Variants in JAK1 observed in about 807,000 individuals in gnomAD.
JAK1 encodes Janus kinase 1.
JAK1 carries 16 observed loss-of-function variants against 136.6 expected under a neutral mutation model. The ratio of observed to expected loss-of-function variants is 0.12; its 90% CI spans 0.08 to 0.18. JAK1 has a LOEUF of 0.18. Among genes scored for constraint, JAK1 ranks in the 10% least tolerant of loss-of-function variants. The pLI is 1.00. For synonymous variants in JAK1, 492 were observed against 519.5 expected, an observed-to-expected ratio of 0.95 and a Z score of 0.72; for missense variants, 859 against 1,450.1, an observed-to-expected ratio of 0.59 and a Z score of 6.62.
In JAK1 at chr1:64,834,551, A is replaced by T; in HGVS notation, c.*11T>A. 1 of 1,535,248 alleles carries T rather than the reference A, an allele frequency of 6.5e-7. No homozygotes were observed. The highest frequency in any genetic ancestry group is 9.0e-7 in the Non-Finnish European group (1 of 1,110,208). On this transcript the variant is annotated 3_prime_UTR_variant, in exon 25 of 25. Coordinates refer to ENST00000342505, the MANE Select transcript of JAK1 (RefSeq NM_002227.4). ...TGATAATCTGTGGAATTTAAATGTT[A>T]TTCATGCTTCTTATTTTAAAAGTGC...
chr1:64,847,695 G>GC lies in JAK1; in HGVS notation c.1756-21dup. The GC allele has an allele frequency of 6.2e-7, 1 of 1,612,192 alleles. No homozygotes were observed. ...CTCGCCCTGAGGGAAGAAGCAGAAGGCTGGGTGACCTCTCTGTGCCCTGAA... is the reference window on the plus strand; with the variant it reads ...CTCGCCCTGAGGGAAGAAGCAGAAGGCCTGGGTGACCTCTCTGTGCCCTGAA... On this transcript the variant is annotated intron_variant, in intron 12 of 24. Transcript: ENST00000342505.
chr1:64,857,919 C>G, intron 9 of JAK1, 140 bp from the exon 10 acceptor site: 1 of 980,702 alleles, frequency 1.0e-6, no homozygotes, highest in South Asian at 1.6e-5. Context: ...CCTAAAGTCC[C>G]CTCTGATGCC....
At chr1:64,933,277 C>G (rs1261021989) in intron 1 of JAK1, among the ~76,000 whole-genome samples, 1 of 152,188 alleles carries the variant, frequency 6.6e-6, no homozygotes, top group African/African-American at 2.4e-5. Context: ...AAGGCTCCTA[C>G]CCCCGTTTTG....
chr1:65,030,016 G>A (rs1169349236), intron 2 of JAK1, among the ~76,000 whole-genome samples: 1 of 152,070 alleles, frequency 6.6e-6, no homozygotes, highest in African/African-American at 2.4e-5. Flanking sequence ...TCCGTGTTTT[G>A]AAGCCCTAAT....
chr1:64,969,670 G>T (rs1353289323), upstream of JAK1, among the ~76,000 whole-genome samples: 2 of 152,170 alleles, frequency 1.3e-5, no homozygotes, highest in Non-Finnish European at 2.9e-5. Context: ...AGATAGAATG[G>T]ACAGTGCTTG....
At chr1:65,052,909 T>C (rs1469164238) in intron 1 of JAK1, among the ~76,000 whole-genome samples, 1 of 148,374 alleles carries the variant, frequency 6.7e-6, no homozygotes, top group Admixed American at 6.7e-5. Flanking sequence ...CGCATGCCTG[T>C]AATCCCAGCT....
chr1:65,063,350 C>T (rs983729395), intron 1 of JAK1, among the ~76,000 whole-genome samples: 7 of 152,210 alleles, frequency 4.6e-5, no homozygotes, highest in Non-Finnish European at 7.3e-5. Flanking sequence ...CATGACACCC[C>T]TGCTAGCCGT....
upstream of JAK1, among the ~76,000 whole-genome samples, chr1:64,967,522 C>T (rs771457659): frequency 3.3e-5 from 5 of 152,184 alleles, no homozygotes; most frequent in Non-Finnish European, 5.9e-5. Flanking sequence ...CCTCCGAGGC[C>T]GTGCACGGTC....
chr1:64,841,183 A>T (rs1055148667), intron 19 of JAK1, 62 bp downstream of exon 19: 1 of 1,160,600 alleles, frequency 8.6e-7, no homozygotes, highest in Non-Finnish European at 1.3e-6. Context: ...ACGTGCAGAG[A>T]GTGGCGCTGT....
chr1:64,955,870 A>G (rs1156962913), intron 1 of JAK1, among the ~76,000 whole-genome samples: 4 of 152,230 alleles, frequency 2.6e-5, no homozygotes, highest in African/African-American at 9.6e-5. Flanking sequence ...GGGGTGGGGC[A>G]AAAGCAAAGG....
intron 2 of JAK1, among the ~76,000 whole-genome samples, chr1:65,019,462 C>CA (rs1217650056): frequency 6.8e-6 from 1 of 147,916 alleles, no homozygotes; most frequent in Non-Finnish European, 1.5e-5. Context: ...GACCCCCCCC[C>CA]CAATATATTT....
intron 2 of JAK1, among the ~76,000 whole-genome samples, chr1:65,015,902 T>C (rs1024541335): frequency 2.6e-5 from 4 of 152,204 alleles, no homozygotes; most frequent in African/African-American, 9.7e-5. Flanking sequence ...TGTATACCAG[T>C]GTTCATTGTA....
intron 1 of JAK1, among the ~76,000 whole-genome samples, chr1:64,945,256 C>G (rs1645963563): frequency 6.6e-6 from 1 of 152,020 alleles, no homozygotes; most frequent in Admixed American, 6.5e-5. Context: ...ATGTAAATTT[C>G]AAGGCATGGA....
chr1:64,889,330 A>C (rs1430871347), intron 1 of JAK1, among the ~76,000 whole-genome samples: 1 of 152,208 alleles, frequency 6.6e-6, no homozygotes, highest in African/African-American at 2.4e-5. Context: ...AATGAATATA[A>C]AGACACTTAG....
At chr1:64,845,871 C>G (rs1655198090) in intron 14 of JAK1, among the ~76,000 whole-genome samples, 1 of 152,192 alleles carries the variant, frequency 6.6e-6, no homozygotes, top group Admixed American at 6.5e-5. Flanking sequence ...GCCTCAATTC[C>G]CTCATCTGTA....
At chr1:64,930,207 G>T (rs1435935763) in intron 1 of JAK1, among the ~76,000 whole-genome samples, 1 of 152,182 alleles carries the variant, frequency 6.6e-6, no homozygotes, top group African/African-American at 2.4e-5. Flanking sequence ...TCATCAGAGT[G>T]AAGAGGCAAT....
At position 64,938,660 on chromosome 1, in the gene JAK1, C is replaced by A. The variant is rs1181476152; in HGVS notation, c.-78+27673G>T. On this transcript the variant is annotated intron_variant, in intron 1 of 24. Coordinates refer to ENST00000342505, the MANE Select transcript of JAK1 (RefSeq NM_002227.4). ...CCCAAGAACAGTATTCACTGTAAAT[C>A]AAACTAGTAAGTAAACTCGTTCTCC... Among the ~76,000 whole-genome samples, 10 of 152,302 alleles carry A rather than the reference C, an allele frequency of 6.6e-5. 1 individual carries two copies. In the South Asian group the frequency reaches 8.3e-4, roughly 13 times the overall value.
At chr1:64,974,119 T>C (rs1249046477) in intron 2 of JAK1, 1 of 152,206 alleles carries the variant, frequency 6.6e-6, no homozygotes, top group Non-Finnish European at 1.5e-5. Context: ...ATTCAATACA[T>C]AGGTATCACA....
chr1:64,978,094 G>A (rs187009288), intron 2 of JAK1, among the ~76,000 whole-genome samples: 23 of 152,080 alleles, frequency 1.5e-4, no homozygotes, highest in Non-Finnish European at 2.9e-4. Flanking sequence ...CCTGGCCAAC[G>A]TGGTGAAACC....
Sources: allele counts gnomAD v4.1 joint callset (sites outside exome capture counted in the v4.1 genomes callset), GRCh38; gene constraint gnomAD v4.1.1; transcripts MANE v1.5; gene names NCBI Gene and HGNC (gene_info 2026-07-23, HGNC 2026-07-21).